The following TTC8 variants were observed in gnomAD, a reference collection of about 807,000 sequenced individuals.
TTC8 encodes the protein tetratricopeptide repeat domain 8, also known as tetratricopeptide repeat protein 8.
TTC8 carries 47 observed loss-of-function variants against 72.5 expected under a neutral mutation model. That is an observed-to-expected ratio of 0.65 (90% CI 0.51 to 0.83). The LOEUF is 0.83. Among genes scored for constraint, TTC8 ranks in the 40% least tolerant of loss-of-function variants. The pLI is 0.00. For synonymous variants in TTC8, 199 were observed against 221.4 expected, an observed-to-expected ratio of 0.90 and a Z score of 0.90; for missense variants, 611 against 623.2, an observed-to-expected ratio of 0.98 and a Z score of 0.21.
At chr14:88,838,425 C>T (rs1314905267) in intron 2 of TTC8, among the ~76,000 whole-genome samples, 1 of 152,132 alleles carries the variant, frequency 6.6e-6, no homozygotes, top group Non-Finnish European at 1.5e-5. Flanking sequence ...TCACCTGTTC[C>T]TTTCGCAGTC....
chr14:88,868,778 T>G lies in TTC8; in HGVS notation c.910-1281T>G, dbSNP rs575411082. Among the ~76,000 whole-genome samples the G allele has an allele frequency of 3.3e-5, 5 of 152,328 alleles. No homozygotes were observed. The East Asian group carries it at 9.7e-4, about 29-fold the overall frequency. The stretch of plus-strand genomic sequence containing the variant: ...TAGCCTGAAAGCTTTTGTTGACACC[T>G]GCTGGTAAGATCAAGAAAATCAAGA... On this transcript the variant is annotated intron_variant, in intron 10 of 14. Coordinates refer to ENST00000380656, the MANE Select transcript of TTC8 (RefSeq NM_144596.4).
chr14:88,844,610 T>A (rs2094797333), intron 7 of TTC8, among the ~76,000 whole-genome samples: 1 of 152,108 alleles, frequency 6.6e-6, no homozygotes, highest in Non-Finnish European at 1.5e-5. Flanking sequence ...AGTGGTATTA[T>A]CACGGCTCAC....
intron 7 of TTC8, among the ~76,000 whole-genome samples, chr14:88,851,812 G>A (rs112043260): frequency 2.1e-5 from 2 of 96,002 alleles, no homozygotes; most frequent in Non-Finnish European, 5.4e-5. Flanking sequence ...TAGAGGCTCA[G>A]CATGGTGTCA....
chr14:88,826,710 C>CA (rs2094703162), intron 1 of TTC8, among the ~76,000 whole-genome samples: 1 of 151,848 alleles, frequency 6.6e-6, no homozygotes, highest in Non-Finnish European at 1.5e-5. Flanking sequence ...GACTCTGTCT[C>CA]AAAAAAAGAA....
intron 1 of TTC8, among the ~76,000 whole-genome samples, chr14:88,828,632 T>G (rs2094712536): frequency 6.6e-6 from 1 of 152,224 alleles, no homozygotes; most frequent in African/African-American, 2.4e-5. Context: ...ATAGTTTTTG[T>G]TTTTAATAAT....
intron 8 of TTC8, among the ~76,000 whole-genome samples, chr14:88,856,386 G>C (rs997285127): frequency 5.9e-5 from 9 of 152,164 alleles, no homozygotes; most frequent in African/African-American, 2.2e-4. Context: ...GGAGCATACT[G>C]TATATCATTT....
chr14:88,871,793 T>A lies in TTC8; in HGVS notation c.1224+70T>A. ...TGAGCCAGACACAGTGGCTCATGCC[T>A]ATAATTCCAGCATTTTGGGAGGCTG... On this transcript the variant is annotated intron_variant, in intron 12 of 14. Coordinates refer to ENST00000380656, the MANE Select transcript of TTC8 (RefSeq NM_144596.4). This position sits in a 1 kb window ranked among gnomAD's most constrained non-coding sequence, Gnocchi z 4.1. 6.4e-7 allele frequency: 1 copy of A among 1,551,102 alleles called. No homozygotes were observed. The highest frequency in any genetic ancestry group is 8.9e-7 in the Non-Finnish European group (1 of 1,125,108).
downstream of TTC8, chr14:88,880,550 T>C (rs1338715994): frequency 6.6e-6 from 1 of 152,198 alleles, no homozygotes; most frequent in Non-Finnish European, 1.5e-5. Context: ...CGTGTTATCT[T>C]GGAGAAGAGG....
At chr14:88,859,959 A>G (rs144050313) in intron 9 of TTC8, among the ~76,000 whole-genome samples, 4,867 of 122,344 alleles carry the variant, frequency 0.04, 286 homozygotes, top group African/African-American at 0.13. Flanking sequence ...ATATAGTAAT[A>G]TAATATAAAT....
chr14:88,828,169 C>G (rs1230990715), intron 1 of TTC8, among the ~76,000 whole-genome samples: 2 of 149,716 alleles, frequency 1.3e-5, no homozygotes, highest in African/African-American at 4.9e-5. Context: ...ATTCTTAATT[C>G]TTGTTTTGAG....
intron 10 of TTC8, among the ~76,000 whole-genome samples, chr14:88,862,583 T>TCTAA (rs1217151950): frequency 1.4e-5 from 1 of 70,020 alleles, no homozygotes; most frequent in African/African-American, 5.8e-5. Context: ...TATATATATA[T>TCTAA]ATATATATAT....
rs201053086 is a variant in TTC8 at position 88,875,121 on chromosome 14, C to T, written c.1431+12C>T. On this transcript the variant is annotated intron_variant, in intron 14 of 14. Transcript: ENST00000380656. ...CAATCTCTGATAAGGTATTCTCTTT[C>T]TTCATTAATTTATCATCTGATCTGT... 122 of 1,595,694 alleles carry T rather than the reference C, an allele frequency of 7.6e-5. No individual in the cohort carries two copies. The highest frequency in any genetic ancestry group is 9.9e-5 in the Non-Finnish European group (115 of 1,164,890).
At chr14:88,825,486 A>G (rs117240740) in intron 1 of TTC8, among the ~76,000 whole-genome samples, 1 of 152,376 alleles carries the variant, frequency 6.6e-6, no homozygotes, top group Non-Finnish European at 1.5e-5. Context: ...TGATGAAAAG[A>G]GAACTTAAAC....
intron 1 of TTC8, among the ~76,000 whole-genome samples, chr14:88,827,265 G>T (rs77353596): frequency 1.3e-5 from 2 of 151,986 alleles, no homozygotes; most frequent in African/African-American, 4.8e-5. Context: ...TCCCTTATCC[G>T]AAAAGCTTGT....
intron 6 of TTC8, among the ~76,000 whole-genome samples, chr14:88,842,805 A>G (rs1278699635): frequency 1.3e-5 from 2 of 152,166 alleles, no homozygotes; most frequent in Non-Finnish European, 2.9e-5. Context: ...ATTTTTAATA[A>G]AGGCATATTG....
At position 88,847,625 on chromosome 14, in the gene TTC8, A is replaced by G. The variant is rs183711665; in HGVS notation, c.624+3775A>G. ...TAGATATTTAATCAATGAAGAAGAA[A>G]AAAAATTGAAACTAGCAAACATTAG... On this transcript the variant is annotated intron_variant, in intron 7 of 14. Transcript: ENST00000380656. Among the ~76,000 whole-genome samples, 403 of 152,334 alleles carry G rather than the reference A, an allele frequency of 2.6e-3. 1 individual carries two copies. The highest frequency in any genetic ancestry group is 9.0e-3 in the African/African-American group (373 of 41,576).
chr14:88,854,664 A>T (rs1049026221), intron 8 of TTC8, among the ~76,000 whole-genome samples: 4 of 152,236 alleles, frequency 2.6e-5, no homozygotes, highest in African/African-American at 7.2e-5. Context: ...CATAGCCTGA[A>T]GGTAATTTTG....
At chr14:88,848,739 T>A (rs1161604646) in intron 7 of TTC8, among the ~76,000 whole-genome samples, 1 of 152,192 alleles carries the variant, frequency 6.6e-6, no homozygotes, top group Non-Finnish European at 1.5e-5. Flanking sequence ...TCTAAAAATA[T>A]GCATTTATGA....
At chr14:88,861,861 C>T (rs1200034198) in intron 10 of TTC8, among the ~76,000 whole-genome samples, 1 of 152,016 alleles carries the variant, frequency 6.6e-6, no homozygotes, top group Non-Finnish European at 1.5e-5. Flanking sequence ...GTCTATATAC[C>T]ACATTTTCTT....
Sources: gnomAD v4.1 joint callset for allele counts (sites outside exome capture counted in the v4.1 genomes callset) on GRCh38, gnomAD v4.1.1 for gene constraint, Gnocchi (gnomAD v3.1) non-coding constraint, MANE v1.5 for transcripts, NCBI Gene and HGNC (gene_info 2026-07-23, HGNC 2026-07-21) for gene names.